Variants in CERK observed in about 807,000 individuals in gnomAD.
CERK encodes the protein acylsphingosine kinase.
Under a neutral mutation model 63.4 loss-of-function variants are expected in CERK, and 39 were observed. The ratio of observed to expected loss-of-function variants is 0.61; its 90% CI spans 0.48 to 0.80. CERK has a LOEUF of 0.80. Ranked by LOEUF, CERK falls within the 30% of genes least tolerant of loss-of-function variation. The pLI is 0.00. For synonymous variants in CERK, 302 were observed against 280.0 expected, an observed-to-expected ratio of 1.08 and a Z score of -0.78; for missense variants, 670 against 714.1, an observed-to-expected ratio of 0.94 and a Z score of 0.70.
At position 46,703,443 on chromosome 22, in the gene CERK, G is replaced by A. The variant is rs544026139; in HGVS notation, c.716-1733C>T. 3.9e-5 allele frequency among the ~76,000 whole-genome samples: 6 copies of A among 152,190 alleles called. No individual in the cohort carries two copies. In the South Asian group the frequency reaches 1.0e-3, roughly 26 times the overall value. On this transcript the variant is annotated intron_variant, in intron 6 of 12. Transcript: ENST00000216264. ...GGAGCATGAGTGAGTTCAGGTACCT[G>A]CTGCCACCACCGGCCGTGCGCATCC...
Position 46,734,613 on chromosome 22 carries a change from GC to G in CERK, c.142+3393del, listed in dbSNP as rs1212474018. On this transcript the variant is annotated intron_variant, in intron 1 of 12. Coordinates refer to ENST00000216264, the MANE Select transcript of CERK (RefSeq NM_022766.6). Reference sequence around the variant, plus strand: ...ATTATCAAAATTTAACCAACTATGTGCCTTAAAATGTCTGAGTTTTATTGCA... The same window carrying G: ...ATTATCAAAATTTAACCAACTATGTGCTTAAAATGTCTGAGTTTTATTGCA... Among the ~76,000 whole-genome samples the G allele has an allele frequency of 4.6e-5, 7 of 152,186 alleles. No homozygotes were observed. The East Asian group carries it at 1.3e-3, about 29-fold the overall frequency.
chr22:46,721,024 ACAC>A lies in CERK; in HGVS notation c.143-12_143-10del. On this transcript the variant is annotated splice_polypyrimidine_tract_variant and intron_variant, in intron 1 of 12. Transcript: ENST00000216264. ...AGGCACAGAGCAGGCATCTGTAAAA[ACAC>A]CACGTCCTTCTGTCAAAGAATTCGT... is the stretch of plus-strand genomic sequence containing the variant. 1.9e-6 allele frequency: 3 copies of A among 1,556,864 alleles called. No homozygotes were observed. Among genetic ancestry groups the A allele is most frequent in the Non-Finnish European group, 2.7e-6 (3 of 1,128,104 alleles).
At chr22:46,725,439 C>T (rs767842067) in intron 1 of CERK, among the ~76,000 whole-genome samples, 1 of 152,208 alleles carries the variant, frequency 6.6e-6, no homozygotes, top group Non-Finnish European at 1.5e-5. Flanking sequence ...AGGAACTGCC[C>T]TCTGAGGGTT....
chr22:46,736,327 G>C (rs2082973157), intron 1 of CERK, among the ~76,000 whole-genome samples: 1 of 152,244 alleles, frequency 6.6e-6, no homozygotes, highest in Non-Finnish European at 1.5e-5. Context: ...CCCTGTAAGG[G>C]TCTGGCGTCT....
rs2082689591 is a variant in CERK, at chr22:46,684,672, A to G, written c.*2462T>C. On this transcript the variant is annotated 3_prime_UTR_variant, in exon 13 of 13. Transcript: ENST00000216264. ...AAAGGAAGCTAAAACTAGCCTTTCT[A>G]AGTTATCCTAAGTTTTTACTATCTA... 6.6e-6 allele frequency: 1 copy of G among 152,074 alleles called. No individual in the cohort carries two copies. Among genetic ancestry groups the G allele is most frequent in the South Asian group, 2.1e-4 (1 of 4,820 alleles). The allele number at this position is 152,074 out of a possible 1,614,324, so 9.4% of individuals were successfully genotyped here.
intron 1 of CERK, among the ~76,000 whole-genome samples, chr22:46,730,074 G>A (rs1472031150): frequency 3.3e-5 from 5 of 149,402 alleles, no homozygotes; most frequent in Admixed American, 1.3e-4. Flanking sequence ...AAAAAACAAA[G>A]CAGCTGTTAT....
intron 1 of CERK, among the ~76,000 whole-genome samples, chr22:46,737,005 G>T (rs923142768): frequency 1.3e-5 from 2 of 152,098 alleles, no homozygotes; most frequent in Non-Finnish European, 2.9e-5. Context: ...TAATTAAAAA[G>T]AAAAAAGGCT....
chr22:46,737,803 G>C (rs1432234891), intron 1 of CERK, among the ~76,000 whole-genome samples: 1 of 152,036 alleles, frequency 6.6e-6, no homozygotes, highest in Non-Finnish European at 1.5e-5. Context: ...TCGGGTTCCC[G>C]GAGCAGACGG....
chr22:46,713,048 G>A (rs757262170), intron 3 of CERK, among the ~76,000 whole-genome samples: 92 of 151,806 alleles, frequency 6.1e-4, no homozygotes, highest in Non-Finnish European at 1.3e-4. Context: ...GTTTCACCGT[G>A]TTAGCCAGAG....
rs574040285 is a variant in CERK, at chr22:46,695,393, G to GAA, written c.944-80_944-79dup. On this transcript the variant is annotated intron_variant, in intron 8 of 12. Transcript: ENST00000216264. The stretch of plus-strand genomic sequence containing the variant: ...TAGGATGCTGTGCTGGGCAGCTTCA[G>GAA]AAATGTCGCTGAGCGCGCATCTGCC... 703 of 910,836 alleles carry GAA rather than the reference G, an allele frequency of 7.7e-4. 1 individual carries two copies. The highest frequency in any genetic ancestry group is 1.0e-3 in the Non-Finnish European group (569 of 545,388). 56.4% of individuals were successfully genotyped at this position (910,836 alleles called of 1,614,324 possible). A position where few individuals can be genotyped will look rare whatever the true frequency, so the allele number is the denominator to read the frequency against.
At chr22:46,733,005 G>A (rs910631727) in intron 1 of CERK, among the ~76,000 whole-genome samples, 2 of 151,830 alleles carry the variant, frequency 1.3e-5, no homozygotes, top group African/African-American at 2.4e-5. Flanking sequence ...TCAGGAGATT[G>A]AGACCATCCT....
intron 1 of CERK, 80 bp downstream of exon 1, chr22:46,737,927 C>T (rs2082983514): frequency 9.9e-7 from 1 of 1,013,202 alleles, no homozygotes; most frequent in Non-Finnish European, 1.2e-6. Context: ...TCCCTGCACC[C>T]GGTCCCCCCA....
chr22:46,701,409 C>A (rs553994996), intron 7 of CERK, among the ~76,000 whole-genome samples: 1 of 152,280 alleles, frequency 6.6e-6, no homozygotes, highest in Non-Finnish European at 1.5e-5. Flanking sequence ...GGAAAGAACT[C>A]GGCCCACACT....
At chr22:46,689,157 G>A (rs567107459) in intron 12 of CERK, among the ~76,000 whole-genome samples, 6 of 152,300 alleles carry the variant, frequency 3.9e-5, no homozygotes, top group East Asian at 1.9e-4. Flanking sequence ...GCCTCCCCGC[G>A]TCCCCTAGGC....
chr22:46,699,574 T>C, intron 7 of CERK, 109 bp from the exon 8 acceptor site: 1 of 1,028,222 alleles, frequency 9.7e-7, no homozygotes, highest in Non-Finnish European at 1.5e-6. Context: ...TTTTAAAAAG[T>C]GTGAAACAAA....
At chr22:46,713,918 G>A (rs957947917) in intron 3 of CERK, among the ~76,000 whole-genome samples, 15 of 152,132 alleles carry the variant, frequency 9.9e-5, no homozygotes, top group African/African-American at 3.1e-4. Flanking sequence ...GATCATATGA[G>A]CACAGGAGTT....
intron 3 of CERK, 59 bp from the exon 4 acceptor site, chr22:46,712,352 T>C (rs1316261358): frequency 9.2e-6 from 14 of 1,528,698 alleles, no homozygotes; most frequent in Non-Finnish European, 1.3e-5. Context: ...CGAAGAGCTC[T>C]GTTACTGGAC....
intron 1 of CERK, among the ~76,000 whole-genome samples, chr22:46,722,043 A>G (rs886277709): frequency 6.6e-6 from 1 of 152,202 alleles, no homozygotes; most frequent in African/African-American, 2.4e-5. Context: ...CAGCAAAGCC[A>G]AGTTTGAGGA....
At position 46,721,094 on chromosome 22, in the gene CERK, G is replaced by A. The variant is rs1944737438; in HGVS notation, c.143-79C>T. ...AAAATCAGTCCAACTCCAAGAAGCT[G>A]AGAATATTCTGCTTTAATATTCTCA... On this transcript the variant is annotated intron_variant, in intron 1 of 12. Coordinates refer to ENST00000216264, the MANE Select transcript of CERK (RefSeq NM_022766.6). 8.9e-6 allele frequency: 8 copies of A among 898,444 alleles called. 1 individual carries two copies. The highest frequency in any genetic ancestry group is 7.9e-5 in the South Asian group (6 of 76,118). The allele number at this position is 898,444 out of a possible 1,614,324, so 55.7% of individuals were successfully genotyped here.
Sources: gnomAD v4.1 joint callset for allele counts (sites outside exome capture counted in the v4.1 genomes callset) on GRCh38, gnomAD v4.1.1 for gene constraint, MANE v1.5 for transcripts, NCBI Gene and HGNC (gene_info 2026-07-23, HGNC 2026-07-21) for gene names.